LIN9: variants seen among roughly 807,000 people sequenced by gnomAD.
LIN9 encodes lin-9 DREAM MuvB core complex component, also known as protein lin-9 homolog.
LIN9 carries 18 observed loss-of-function variants against 78.0 expected under a neutral mutation model. That is an observed-to-expected ratio of 0.23 (90% CI 0.16 to 0.34). The LOEUF (loss-of-function observed/expected upper bound fraction) is 0.34. Ranked by LOEUF, LIN9 falls within the 10% of genes least tolerant of loss-of-function variation. The pLI, the probability that LIN9 is intolerant of heterozygous loss-of-function variation, is 1.00. For missense variants in LIN9, 451 were observed against 644.1 expected (o/e 0.70, Z 3.25); for synonymous variants, 192 against 215.2 (o/e 0.89, Z 0.94).
chr1:226,285,794 A>G (rs1008007767), intron 6 of LIN9, among the ~76,000 whole-genome samples: 5 of 152,182 alleles, frequency 3.3e-5, no homozygotes, highest in Admixed American at 3.3e-4. Flanking sequence ...GGATTTCACA[A>G]AAGATAACAA....
At chr1:226,249,311 T>C (rs1658681728) in intron 11 of LIN9, among the ~76,000 whole-genome samples, 1 of 152,226 alleles carries the variant, frequency 6.6e-6, no homozygotes, top group Non-Finnish European at 1.5e-5. Flanking sequence ...TTAAGATATG[T>C]AATGGCAATA....
At chr1:226,263,368 T>G (rs1441615489) in intron 10 of LIN9, among the ~76,000 whole-genome samples, 3 of 152,152 alleles carry the variant, frequency 2.0e-5, no homozygotes, top group Non-Finnish European at 4.4e-5. Flanking sequence ...ACTACACATG[T>G]GTGGGGTCAG....
chr1:226,266,719 A>G (rs1473445743), intron 8 of LIN9, among the ~76,000 whole-genome samples: 1 of 152,086 alleles, frequency 6.6e-6, no homozygotes, highest in South Asian at 2.1e-4. Flanking sequence ...TTATTTAGCC[A>G]GGGAGAAATA....
intron 11 of LIN9, among the ~76,000 whole-genome samples, chr1:226,246,011 C>A (rs1448440709): frequency 6.6e-6 from 1 of 152,178 alleles, no homozygotes; most frequent in Non-Finnish European, 1.5e-5. Context: ...TGTATATACA[C>A]CCCTACCCTG....
chr1:226,305,341 A>C (rs1662843125), intron 1 of LIN9, among the ~76,000 whole-genome samples: 1 of 147,882 alleles, frequency 6.8e-6, no homozygotes. Context: ...AAAAAAAAAA[A>C]CCTTAGTTGG....
intron 10 of LIN9, among the ~76,000 whole-genome samples, chr1:226,261,066 T>C (rs980334654): frequency 1.3e-5 from 2 of 151,922 alleles, no homozygotes; most frequent in African/African-American, 2.4e-5. Context: ...GGCAAAGTAT[T>C]TGACAAAATT....
At chr1:226,292,624 T>A (rs996156367) in intron 4 of LIN9, among the ~76,000 whole-genome samples, 2 of 151,862 alleles carry the variant, frequency 1.3e-5, no homozygotes, top group African/African-American at 4.8e-5. Flanking sequence ...TGGCTAATTT[T>A]TAAAAAAAAT....
chr1:226,283,534 A>G (rs1661207619), intron 6 of LIN9, among the ~76,000 whole-genome samples: 1 of 151,914 alleles, frequency 6.6e-6, no homozygotes, highest in Admixed American at 6.6e-5. Context: ...GATGTGATGG[A>G]TATTTCTGTA....
At chr1:226,267,293 A>G (rs562809726) in intron 8 of LIN9, among the ~76,000 whole-genome samples, 27 of 121,752 alleles carry the variant, frequency 2.2e-4, no homozygotes, top group African/African-American at 7.4e-4. Context: ...ATACATATAT[A>G]TGTGTGTGTA....
intron 6 of LIN9, among the ~76,000 whole-genome samples, 174 bp downstream of exon 6, chr1:226,286,159 C>T (rs981877199): frequency 6.6e-6 from 1 of 151,972 alleles, no homozygotes; most frequent in Non-Finnish European, 1.5e-5. Context: ...CACTGTGTTG[C>T]CCAGGCTAGA....
intron 6 of LIN9, among the ~76,000 whole-genome samples, chr1:226,280,077 A>T (rs1660947072): frequency 6.6e-6 from 1 of 152,112 alleles, no homozygotes; most frequent in Non-Finnish European, 1.5e-5. Flanking sequence ...TTTAATCATA[A>T]TTTTTGCCTT....
intron 10 of LIN9, among the ~76,000 whole-genome samples, chr1:226,260,628 G>GTTTTTTTTTT (rs559460640): frequency 9.5e-5 from 7 of 73,434 alleles, no homozygotes; most frequent in African/African-American, 3.0e-4. Context: ...GGCCAAATGA[G>GTTTTTTTTTT]TTTTTTTTTT....
intron 10 of LIN9, among the ~76,000 whole-genome samples, chr1:226,252,464 C>T (rs1427401267): frequency 1.3e-5 from 2 of 151,944 alleles, no homozygotes; most frequent in East Asian, 3.8e-4. Context: ...ATACAAAGAA[C>T]ATGTTAAATA....
intron 2 of LIN9, among the ~76,000 whole-genome samples, 172 bp downstream of exon 2, chr1:226,301,001 T>G (rs1662501836): frequency 6.6e-6 from 1 of 152,146 alleles, no homozygotes; most frequent in African/African-American, 2.4e-5. Flanking sequence ...TTCTAACAAC[T>G]GAGGATCAAT....
intron 7 of LIN9, among the ~76,000 whole-genome samples, chr1:226,277,553 A>G (rs1330210202): frequency 1.3e-5 from 2 of 152,224 alleles, no homozygotes; most frequent in African/African-American, 4.8e-5. Context: ...CTAAGGAAAA[A>G]AAATATCAAG....
intron 10 of LIN9, among the ~76,000 whole-genome samples, chr1:226,256,622 G>A (rs1342914403): frequency 4.6e-5 from 7 of 151,490 alleles, no homozygotes; most frequent in African/African-American, 9.7e-5. Context: ...GCAGTGGTGC[G>A]ATCTTGGCTC....
intron 4 of LIN9, among the ~76,000 whole-genome samples, chr1:226,288,663 A>G (rs952346599): frequency 2.0e-5 from 3 of 152,214 alleles, no homozygotes; most frequent in East Asian, 1.9e-4. Flanking sequence ...TCCTGTTTAT[A>G]ACAGCACAAA....
intron 3 of LIN9, among the ~76,000 whole-genome samples, chr1:226,296,666 C>G (rs1662167196): frequency 6.6e-6 from 1 of 152,092 alleles, no homozygotes. Flanking sequence ...GGAAGAGAAA[C>G]AGGTGCAGGC....
At position 226,252,783 on chromosome 1, in the gene LIN9, A is replaced by G. The variant is rs1386144259; in HGVS notation, c.1039-1864T>C. 2.0e-5 allele frequency among the ~76,000 whole-genome samples: 3 copies of G among 152,084 alleles called. No homozygotes were observed. The East Asian group carries it at 5.8e-4, about 29-fold the overall frequency. ...GGAGTTTGAGACCAACCTGGCCAAC[A>G]TAGTAAAACCCCGTCTCTACTAAAA... On this transcript the variant is annotated intron_variant, in intron 10 of 14. Coordinates refer to ENST00000681046, the MANE Select transcript of LIN9 (RefSeq NM_001366245.2).
Sources: allele counts gnomAD v4.1 joint callset (sites outside exome capture counted in the v4.1 genomes callset), GRCh38; gene constraint gnomAD v4.1.1; transcripts MANE v1.5; gene names NCBI Gene and HGNC (gene_info 2026-07-23, HGNC 2026-07-21).